Variants in FNBP1 observed in about 807,000 individuals in gnomAD.
FNBP1 encodes the protein formin binding protein 1.
A neutral mutation model predicts 90.6 loss-of-function variants in FNBP1; 26 were observed. The observed-to-expected ratio is 0.29, with a 90% CI of 0.21 to 0.40. The LOEUF is 0.40. Ranked by LOEUF, FNBP1 falls within the 10% of genes least tolerant of loss-of-function variation. FNBP1 has a pLI of 1.00. For missense variants in FNBP1, 635 were observed against 768.0 expected (o/e 0.83, Z 2.05); for synonymous variants, 260 against 265.2 (o/e 0.98, Z 0.19).
intron 6 of FNBP1, among the ~76,000 whole-genome samples, chr9:129,939,325 G>A (rs1359979249): frequency 6.6e-6 from 1 of 151,754 alleles, no homozygotes; most frequent in East Asian, 1.9e-4. Flanking sequence ...CGAGGCAGAG[G>A]CTGCAGTGAG....
In FNBP1 at chr9:129,925,285, T is replaced by C. The variant is rs1654981204; in HGVS notation, c.790-128A>G. 7.2e-6 allele frequency: 5 copies of C among 690,182 alleles called. No individual in the cohort carries two copies. The Admixed American group carries it at 1.3e-4, about 18-fold the overall frequency. 42.8% of individuals were successfully genotyped at this position (690,182 alleles called of 1,614,324 possible). ...ACTCTGGGAGGCAGAGGCGGGTGGATCACGAGGTCAGGAGATCAAGACCAT... is the reference window on the plus strand; with the variant it reads ...ACTCTGGGAGGCAGAGGCGGGTGGACCACGAGGTCAGGAGATCAAGACCAT... On this transcript the variant is annotated intron_variant, in intron 8 of 16. Transcript: ENST00000446176.
intron 16 of FNBP1, chr9:129,895,432 T>C (rs774318471): frequency 9.0e-6 from 10 of 1,109,036 alleles, no homozygotes; most frequent in Non-Finnish European, 1.1e-5. Context: ...TGGTGGATAC[T>C]AGATATAAAC....
At position 129,994,883 on chromosome 9, in the gene FNBP1, C is replaced by G; in HGVS notation, c.100G>C (p.Glu34Gln). Residue 34 changes from glutamate to glutamine, a missense_variant, in exon 2 of 17, where the codon GAA (glutamate) becomes CAA (glutamine). Coordinates refer to ENST00000446176, the MANE Select transcript of FNBP1 (RefSeq NM_015033.3). ...TAGCTGAGTTCAATCTCTGTCCTTT[C>G]TTTCACAAACTTGATATATTTCTCA... is the stretch of plus-strand genomic sequence containing the variant. ...ILEKYIKFVK[E>Q]RTEIELSYAK... The G allele has an allele frequency of 6.2e-7, 1 of 1,608,546 alleles. No individual in the cohort carries two copies. Among genetic ancestry groups the G allele is most frequent in the Non-Finnish European group, 8.5e-7 (1 of 1,176,540 alleles).
intron 2 of FNBP1, among the ~76,000 whole-genome samples, chr9:129,989,970 G>A (rs2052867406): frequency 6.6e-6 from 1 of 151,872 alleles, no homozygotes; most frequent in African/African-American, 2.4e-5. Flanking sequence ...CCCGGGAGGT[G>A]AGCCAAGATC....
At chr9:130,034,312 CAAA>C (rs3055753) in intron 1 of FNBP1, among the ~76,000 whole-genome samples, 9 of 118,388 alleles carry the variant, frequency 7.6e-5, no homozygotes, top group Non-Finnish European at 3.5e-5. Flanking sequence ...GACTCCATCT[CAAA>C]AAAAAAAAAA....
chr9:129,890,276 C>A lies in FNBP1; in HGVS notation c.*263G>T. ...TGTGTCCCACCGTCTCAGTGGCCTG[C>A]GCGGGGTGGGGAGGGGGAGCGATGA... On this transcript the variant is annotated 3_prime_UTR_variant, in exon 17 of 17. Coordinates refer to ENST00000446176, the MANE Select transcript of FNBP1 (RefSeq NM_015033.3). The surrounding 1 kb of genome is among the most constrained non-coding windows in gnomAD (Gnocchi z 5.8). The A allele has an allele frequency of 3.8e-6, 2 of 525,816 alleles. No individual in the cohort carries two copies. The highest frequency in any genetic ancestry group is 6.7e-6 in the Non-Finnish European group (2 of 296,896). The allele number at this position is 525,816 out of a possible 1,614,324, so 32.6% of individuals were successfully genotyped here.
chr9:129,941,948 A>C (rs765912285), intron 6 of FNBP1, among the ~76,000 whole-genome samples: 6 of 151,534 alleles, frequency 4.0e-5, no homozygotes, highest in Non-Finnish European at 8.9e-5. Context: ...GCAGGCACCT[A>C]TAATCCCAGC....
chr9:129,978,727 A>G (rs1655728550), intron 3 of FNBP1, 115 bp from the exon 4 acceptor site: 1 of 948,684 alleles, frequency 1.1e-6, no homozygotes, highest in South Asian at 1.7e-5. Context: ...CACCTCCCAT[A>G]GGATCCTGAG....
intron 2 of FNBP1, among the ~76,000 whole-genome samples, chr9:129,981,474 A>T (rs1208776734): frequency 6.6e-6 from 1 of 152,090 alleles, no homozygotes; most frequent in African/African-American, 2.4e-5. Context: ...ATTCCTCTTT[A>T]TTATTTCACA....
rs2059979139 is a variant in FNBP1, at chr9:130,042,977, G to C, written c.-2C>G. The stretch of plus-strand genomic sequence containing the variant: ...CCAGAGCTCGGTGCCCCAGCTCATG[G>C]TGCAGGGGACGCGAAGGGGCGCTCC... On this transcript the variant is annotated 5_prime_UTR_variant, in exon 1 of 17. Coordinates refer to ENST00000446176, the MANE Select transcript of FNBP1 (RefSeq NM_015033.3). The surrounding 1 kb of genome is among the most constrained non-coding windows in gnomAD (Gnocchi z 5.5). 8.2e-7 allele frequency: 1 copy of C among 1,225,652 alleles called. No individual in the cohort carries two copies. The highest frequency in any genetic ancestry group is 1.6e-5 in the African/African-American group (1 of 64,028). The allele number at this position is 1,225,652 out of a possible 1,614,324, so 75.9% of individuals were successfully genotyped here. A position where few individuals can be genotyped will look rare whatever the true frequency, so the allele number is the denominator to read the frequency against.
chr9:130,017,264 G>T (rs934885237), intron 1 of FNBP1, among the ~76,000 whole-genome samples: 3 of 152,088 alleles, frequency 2.0e-5, no homozygotes, highest in Admixed American at 2.0e-4. Context: ...AGATATCTAA[G>T]TGTTTATATA....
intron 1 of FNBP1, among the ~76,000 whole-genome samples, chr9:130,036,863 G>A (rs529697009): frequency 2.6e-5 from 4 of 151,954 alleles, no homozygotes; most frequent in South Asian, 2.1e-4. Context: ...GGCTAACAAG[G>A]TGAAACCCCA....
the FNBP1 span, among the ~76,000 whole-genome samples, chr9:130,048,491 C>CTTTTT: frequency 9.5e-6 from 1 of 105,086 alleles, no homozygotes; most frequent in Non-Finnish European, 1.8e-5. Flanking sequence ...CCTCAGTTTC[C>CTTTTT]TTTTTTTTTT....
At position 129,888,626 on chromosome 9, in the gene FNBP1, A is replaced by G. The variant is rs41279164; in HGVS notation, c.*1913T>C. On this transcript the variant is annotated 3_prime_UTR_variant, in exon 17 of 17. Coordinates refer to ENST00000446176, the MANE Select transcript of FNBP1 (RefSeq NM_015033.3). ...TTGCAGTCCCCCCCGGGGAAGAAGC[A>G]GTCAGAGAGGCTCACGCTCACCTAC... 83 of 233,026 alleles carry G rather than the reference A, an allele frequency of 3.6e-4. No homozygotes were observed. Among genetic ancestry groups the G allele is most frequent in the Non-Finnish European group, 5.8e-4 (68 of 117,886 alleles). The allele number at this position is 233,026 out of a possible 1,614,324, so 14.4% of individuals were successfully genotyped here. A position where few individuals can be genotyped will look rare whatever the true frequency, so the allele number is the denominator to read the frequency against.
chr9:129,998,196 G>GAAAA (rs35148774), intron 1 of FNBP1, among the ~76,000 whole-genome samples: 3 of 33,752 alleles, frequency 8.9e-5, no homozygotes, highest in African/African-American at 2.4e-4. Flanking sequence ...ACTCTGTCTC[G>GAAAA]AAAAAAAAAA....
At chr9:129,955,232 GGCTGAGT>G (rs1231681546) in intron 6 of FNBP1, among the ~76,000 whole-genome samples, 7 of 151,540 alleles carry the variant, frequency 4.6e-5, no homozygotes, top group Non-Finnish European at 7.4e-5. Flanking sequence ...ACAGTTTAGA[GGCTGAGT>G]GCTTTTTTTT....
intron 6 of FNBP1, among the ~76,000 whole-genome samples, chr9:129,934,870 C>T (rs1392883472): frequency 2.6e-5 from 4 of 152,116 alleles, no homozygotes; most frequent in African/African-American, 9.7e-5. Context: ...ATGTGAGCCA[C>T]CACGCCCAGC....
intron 12 of FNBP1, among the ~76,000 whole-genome samples, chr9:129,905,501 G>C (rs2037850309): frequency 6.6e-6 from 1 of 151,882 alleles, no homozygotes; most frequent in Non-Finnish European, 1.5e-5. Context: ...GTAGAGACAG[G>C]GTTTTGCCAT....
At chr9:130,046,580 CAAAAAAAAAAA>C (rs56392821), upstream of FNBP1, among the ~76,000 whole-genome samples, 2 of 66,790 alleles carry the variant, frequency 3.0e-5, no homozygotes, top group African/African-American at 6.2e-5. Context: ...ACTAAAAATA[CAAAAAAAAAAA>C]AAAAAAAAAA....
Sources: allele counts gnomAD v4.1 joint callset (sites outside exome capture counted in the v4.1 genomes callset), GRCh38; gene constraint gnomAD v4.1.1; non-coding constraint Gnocchi (gnomAD v3.1); transcripts MANE v1.5; gene names NCBI Gene and HGNC (gene_info 2026-07-23, HGNC 2026-07-21).